The following TMEM132D variants were observed in gnomAD, a reference collection of about 807,000 sequenced individuals.
TMEM132D encodes the protein mature OL transmembrane protein.
In TMEM132D, 21 loss-of-function variants were observed where a neutral mutation model predicts 62.3. The ratio of observed to expected loss-of-function variants is 0.34; its 90% CI spans 0.24 to 0.49. The LOEUF (loss-of-function observed/expected upper bound fraction) is 0.49. TMEM132D is among the 20% of genes least tolerant of loss of function. TMEM132D has a pLI of 0.99. For synonymous variants in TMEM132D, 621 were observed against 575.6 expected (o/e 1.08, Z -1.13); for missense variants, 1,346 against 1,402.8 (o/e 0.96, Z 0.65).
At chr12:129,600,578 G>T (rs770771686) in intron 2 of TMEM132D, among the ~76,000 whole-genome samples, 2 of 152,156 alleles carry the variant, frequency 1.3e-5, no homozygotes, top group East Asian at 1.9e-4. Flanking sequence ...CTTATCAAAG[G>T]TATGACTTGA....
chr12:129,896,483 A>G (rs1220945285), intron 1 of TMEM132D, among the ~76,000 whole-genome samples: 1 of 152,222 alleles, frequency 6.6e-6, no homozygotes, highest in Non-Finnish European at 1.5e-5. Flanking sequence ...AGGCTATTTT[A>G]TCACTGAAGC....
chr12:129,382,435 T>A (rs111473206), intron 3 of TMEM132D, among the ~76,000 whole-genome samples: 2,354 of 152,310 alleles, frequency 0.015, 61 homozygotes, highest in African/African-American at 0.053. Flanking sequence ...TTAGTTGTCC[T>A]TCATATTGAA....
At chr12:129,487,780 C>T (rs1411524335) in intron 3 of TMEM132D, among the ~76,000 whole-genome samples, 1 of 151,000 alleles carries the variant, frequency 6.6e-6, no homozygotes, top group Non-Finnish European at 1.5e-5. Flanking sequence ...ACTAAATATA[C>T]AAAAAAATTA....
intron 2 of TMEM132D, among the ~76,000 whole-genome samples, chr12:129,633,446 A>G (rs1420849949): frequency 2.0e-5 from 3 of 152,202 alleles, no homozygotes; most frequent in African/African-American, 7.2e-5. Context: ...ATGAATAGGC[A>G]CATAAGTAGA....
chr12:129,832,547 T>G (rs67553211), intron 1 of TMEM132D, among the ~76,000 whole-genome samples: 28,349 of 152,002 alleles, frequency 0.19, 2,854 homozygotes, highest in South Asian at 0.31. Context: ...CCCCCATAGG[T>G]CCACTGGGAG....
intron 2 of TMEM132D, among the ~76,000 whole-genome samples, chr12:129,563,164 A>G (rs1234951491): frequency 1.3e-5 from 2 of 152,220 alleles, no homozygotes; most frequent in Non-Finnish European, 2.9e-5. Flanking sequence ...ATACATCTGG[A>G]ATGCTAAAAG....
chr12:129,093,133 A>G (rs1874985811), intron 5 of TMEM132D, among the ~76,000 whole-genome samples: 1 of 152,232 alleles, frequency 6.6e-6, no homozygotes, highest in African/African-American at 2.4e-5. Flanking sequence ...CTGGAAGAGG[A>G]TGTGCAGGGA....
intron 3 of TMEM132D, among the ~76,000 whole-genome samples, chr12:129,513,486 T>TTTG (rs1321492336): frequency 6.6e-6 from 1 of 151,812 alleles, no homozygotes; most frequent in African/African-American, 2.4e-5. Context: ...AACAGGTTTG[T>TTTG]TTGTTTGTTT....
At chr12:129,102,100 A>AC (rs1875329265) in intron 5 of TMEM132D, among the ~76,000 whole-genome samples, 1 of 151,370 alleles carries the variant, frequency 6.6e-6, no homozygotes, top group Non-Finnish European at 1.5e-5. Flanking sequence ...GGCAGAGATG[A>AC]CCCTTGCCTG....
At chr12:129,898,864 G>C (rs777434668) in intron 1 of TMEM132D, among the ~76,000 whole-genome samples, 5 of 152,198 alleles carry the variant, frequency 3.3e-5, no homozygotes, top group Non-Finnish European at 5.9e-5. Flanking sequence ...TTATGAAATA[G>C]GAAAGGAGAG....
intron 3 of TMEM132D, among the ~76,000 whole-genome samples, chr12:129,412,686 C>G (rs1427448637): frequency 6.6e-6 from 1 of 152,164 alleles, no homozygotes; most frequent in Non-Finnish European, 1.5e-5. Flanking sequence ...GAAACCCCAT[C>G]TCTACTAAAA....
intron 4 of TMEM132D, among the ~76,000 whole-genome samples, chr12:129,229,625 T>C (rs748316941): frequency 2.6e-5 from 4 of 152,234 alleles, no homozygotes; most frequent in Admixed American, 2.0e-4. Context: ...GACATGAAAC[T>C]AAGGAATTAA....
intron 4 of TMEM132D, among the ~76,000 whole-genome samples, chr12:129,321,336 G>A (rs1215420723): frequency 1.3e-5 from 2 of 152,144 alleles, no homozygotes; most frequent in Non-Finnish European, 2.9e-5. Flanking sequence ...CAGATAAGAA[G>A]AGGCTGATAC....
chr12:129,076,870 G>A (rs964644240), intron 8 of TMEM132D, among the ~76,000 whole-genome samples: 1 of 152,158 alleles, frequency 6.6e-6, no homozygotes, highest in Non-Finnish European at 1.5e-5. Flanking sequence ...CGCCTAGCTG[G>A]TGGTCCGCTG....
intron 3 of TMEM132D, among the ~76,000 whole-genome samples, chr12:129,410,689 T>G (rs6486466): frequency 0.68 from 103,039 of 151,996 alleles, 35,659 homozygotes; most frequent in East Asian, 0.89. Flanking sequence ...TGTACTTGTC[T>G]GACTCCAGAA....
intron 4 of TMEM132D, among the ~76,000 whole-genome samples, chr12:129,333,684 T>C (rs1869186170): frequency 6.6e-6 from 1 of 152,176 alleles, no homozygotes; most frequent in African/African-American, 2.4e-5. Context: ...GGCATCTGGC[T>C]CCTGGAATAG....
intron 2 of TMEM132D, among the ~76,000 whole-genome samples, chr12:129,534,957 C>T (rs1876338837): frequency 1.3e-5 from 2 of 152,068 alleles, no homozygotes; most frequent in South Asian, 4.1e-4. Context: ...TTTAACGTAG[C>T]CTGAGTTATT....
chr12:129,167,741 T>G (rs1411197579), intron 5 of TMEM132D, among the ~76,000 whole-genome samples: 1 of 151,820 alleles, frequency 6.6e-6, no homozygotes, highest in East Asian at 1.9e-4. Context: ...TTAAAATAAT[T>G]TAACAGTGAA....
In TMEM132D at chr12:129,116,918, C is replaced by CAA. The variant is rs60513263; in HGVS notation, c.1444-32218_1444-32217dup. Among the ~76,000 whole-genome samples the CAA allele has an allele frequency of 9.6e-3, 567 of 59,036 alleles. 71 individuals carry two copies. Among genetic ancestry groups the CAA allele is most frequent in the African/African-American group, 0.031 (466 of 14,916 alleles). 38.7% of individuals were successfully genotyped at this position (59,036 alleles called of 152,430 possible). On this transcript the variant is annotated intron_variant, in intron 5 of 8. Transcript: ENST00000422113. ...TACCCAAATGAGCTGAAAATTTCCG[C>CAA]AAAAAAAAAAAAAAAAAAAAAAAAA...
Sources: allele counts gnomAD v4.1 joint callset (sites outside exome capture counted in the v4.1 genomes callset), GRCh38; gene constraint gnomAD v4.1.1; transcripts MANE v1.5; gene names NCBI Gene and HGNC (gene_info 2026-07-23, HGNC 2026-07-21).